The following ARHGAP26 variants were observed in gnomAD, a reference collection of about 807,000 sequenced individuals.
ARHGAP26 encodes Rho GTPase activating protein 26.
A neutral mutation model predicts 104.8 loss-of-function variants in ARHGAP26; 38 were observed. The ratio of observed to expected loss-of-function variants is 0.36; its 90% CI spans 0.28 to 0.48. ARHGAP26 has a LOEUF of 0.48. Ranked by LOEUF, ARHGAP26 falls within the 20% of genes least tolerant of loss-of-function variation. ARHGAP26 has a pLI of 0.99. For synonymous variants in ARHGAP26, 341 were observed against 340.0 expected (o/e 1.00, Z -0.03); for missense variants, 704 against 947.9 (o/e 0.74, Z 3.38).
At chr5:143,014,416 C>T (rs1418039942) in intron 12 of ARHGAP26, 4 of 394,840 alleles carry the variant, frequency 1.0e-5, no homozygotes, top group Non-Finnish European at 1.8e-5. Flanking sequence ...AAGACTATAG[C>T]TCGTCACCAC....
intron 1 of ARHGAP26, among the ~76,000 whole-genome samples, chr5:142,774,979 C>T (rs527262354): frequency 1.1e-4 from 16 of 152,108 alleles, no homozygotes; most frequent in Admixed American, 9.8e-4. Context: ...ATCCTTTCAT[C>T]TATTGAAGGA....
chr5:142,820,416 G>C (rs1765910209), intron 1 of ARHGAP26, among the ~76,000 whole-genome samples: 1 of 151,818 alleles, frequency 6.6e-6, no homozygotes, highest in Non-Finnish European at 1.5e-5. Context: ...GGTTGGGTTT[G>C]ATCTTTTTAG....
chr5:143,058,887 T>C (rs1221325915), intron 17 of ARHGAP26, among the ~76,000 whole-genome samples: 6 of 152,218 alleles, frequency 3.9e-5, no homozygotes, highest in Non-Finnish European at 7.4e-5. Flanking sequence ...ATTGACCAAC[T>C]TTTTTTCTTG....
chr5:142,907,672 A>G lies in ARHGAP26; in HGVS notation c.833-32A>G, dbSNP rs369961153. On this transcript the variant is annotated intron_variant, in intron 8 of 22. Coordinates refer to ENST00000645722, the MANE Select transcript of ARHGAP26 (RefSeq NM_001135608.3). Reference sequence around the variant, plus strand: ...TGATGTATAGCATACAGTGGAATGTATAGATATTTTATGGGAAATATTACC... The same window carrying G: ...TGATGTATAGCATACAGTGGAATGTGTAGATATTTTATGGGAAATATTACC... 7.4e-6 allele frequency: 11 copies of G among 1,483,250 alleles called. No individual in the cohort carries two copies. The African/African-American group carries it at 1.1e-4, about 15-fold the overall frequency. 91.9% of individuals were successfully genotyped at this position (1,483,250 alleles called of 1,614,324 possible).
At chr5:143,125,035 C>T (rs1796565469) in intron 18 of ARHGAP26, among the ~76,000 whole-genome samples, 2 of 152,124 alleles carry the variant, frequency 1.3e-5, no homozygotes, top group Non-Finnish European at 2.9e-5. Flanking sequence ...CTTAAATGCC[C>T]TTTGTGAGCC....
chr5:142,963,296 T>G (rs903548813), intron 11 of ARHGAP26, among the ~76,000 whole-genome samples: 1 of 150,898 alleles, frequency 6.6e-6, no homozygotes, highest in African/African-American at 2.4e-5. Context: ...ACTTTGCTAT[T>G]GATAATAGTG....
intron 1 of ARHGAP26, among the ~76,000 whole-genome samples, chr5:142,835,902 C>G (rs34466756): frequency 0.048 from 7,263 of 152,266 alleles, 240 homozygotes; most frequent in East Asian, 0.11. Context: ...TCACAAAACC[C>G]TCTAAGATTA....
intron 21 of ARHGAP26, among the ~76,000 whole-genome samples, chr5:143,209,987 A>C (rs112107489): frequency 1.2e-4 from 18 of 152,276 alleles, no homozygotes; most frequent in African/African-American, 4.1e-4. Flanking sequence ...CAGAGCATGA[A>C]GCTTCAGATT....
chr5:143,055,017 G>C (rs542927154), intron 15 of ARHGAP26, among the ~76,000 whole-genome samples: 1 of 152,138 alleles, frequency 6.6e-6, no homozygotes, highest in Non-Finnish European at 1.5e-5. Flanking sequence ...TCTCTGCAGA[G>C]ACTATTTTCC....
chr5:143,013,355 G>T (rs994189930), intron 11 of ARHGAP26, among the ~76,000 whole-genome samples: 1 of 152,056 alleles, frequency 6.6e-6, no homozygotes, highest in Admixed American at 6.5e-5. Context: ...TGTCTGACCC[G>T]TTGCAGGAAA....
In ARHGAP26 at chr5:142,875,093, C is replaced by G. The variant is rs370338871; in HGVS notation, c.251-17C>G. ...CATGACACTCCTTCCACCTCATGGCCCCTTTCTGTTTTCCAGCAAGATCTT... is the reference window on the plus strand; with the variant it reads ...CATGACACTCCTTCCACCTCATGGCGCCTTTCTGTTTTCCAGCAAGATCTT... On this transcript the variant is annotated splice_polypyrimidine_tract_variant and intron_variant, in intron 2 of 22. Coordinates refer to ENST00000645722, the MANE Select transcript of ARHGAP26 (RefSeq NM_001135608.3). 25 of 1,612,406 alleles carry G rather than the reference C, an allele frequency of 1.6e-5. 1 individual carries two copies. The highest frequency in any genetic ancestry group is 8.9e-5 in the East Asian group (4 of 44,862).
chr5:142,911,496 T>C (rs1376663870), intron 9 of ARHGAP26, among the ~76,000 whole-genome samples: 1 of 152,208 alleles, frequency 6.6e-6, no homozygotes. Context: ...TCTCCTTAAC[T>C]TTGGCTTTTT....
intron 3 of ARHGAP26, 64 bp downstream of exon 3, chr5:142,875,235 G>A: frequency 1.4e-6 from 2 of 1,479,528 alleles, no homozygotes; most frequent in South Asian, 1.1e-5. Flanking sequence ...GCAAGGGATG[G>A]GTATCAGAAG....
chr5:143,038,951 C>T (rs911133317), intron 13 of ARHGAP26, among the ~76,000 whole-genome samples: 4 of 151,962 alleles, frequency 2.6e-5, no homozygotes, highest in African/African-American at 9.7e-5. Flanking sequence ...ACCTCGGTCT[C>T]CCAAAGTGCT....
intron 19 of ARHGAP26, among the ~76,000 whole-genome samples, chr5:143,145,842 T>C (rs1223056507): frequency 6.6e-6 from 1 of 152,222 alleles, no homozygotes; most frequent in Non-Finnish European, 1.5e-5. Flanking sequence ...ATCAGGGGTA[T>C]TGGGGTGAAT....
intron 11 of ARHGAP26, among the ~76,000 whole-genome samples, chr5:142,936,144 C>CACCCCT (rs1159128273): frequency 4.6e-5 from 7 of 151,424 alleles, no homozygotes; most frequent in Non-Finnish European, 1.0e-4. Flanking sequence ...CACACACACA[C>CACCCCT]ACCCCTTCTA....
At chr5:143,096,054 A>C (rs1792262649) in intron 17 of ARHGAP26, among the ~76,000 whole-genome samples, 1 of 152,244 alleles carries the variant, frequency 6.6e-6, no homozygotes, top group South Asian at 2.1e-4. Context: ...CAATGTGAAA[A>C]AATAAAATCA....
intron 7 of ARHGAP26, among the ~76,000 whole-genome samples, chr5:142,902,920 C>T (rs1176954704): frequency 6.6e-6 from 1 of 152,116 alleles, no homozygotes; most frequent in African/African-American, 2.4e-5. Context: ...CACCTGGACT[C>T]GCAGAGGGGG....
chr5:142,938,276 TAGTC>T (rs1598316171), intron 11 of ARHGAP26, among the ~76,000 whole-genome samples: 2 of 152,340 alleles, frequency 1.3e-5, no homozygotes, highest in South Asian at 4.1e-4. Context: ...GCTATTCAGA[TAGTC>T]AGATAAAGCT....
Sources: allele counts gnomAD v4.1 joint callset (sites outside exome capture counted in the v4.1 genomes callset), GRCh38; gene constraint gnomAD v4.1.1; transcripts MANE v1.5; gene names NCBI Gene and HGNC (gene_info 2026-07-23, HGNC 2026-07-21).